Variants in NKAIN2 observed in about 807,000 individuals in gnomAD.
NKAIN2 encodes sodium/potassium transporting ATPase interacting 2.
A neutral mutation model predicts 32.6 loss-of-function variants in NKAIN2; 14 were observed. The ratio of observed to expected loss-of-function variants is 0.43; its 90% CI spans 0.28 to 0.67. NKAIN2 has a LOEUF of 0.67. Among genes scored for constraint, NKAIN2 ranks in the 30% least tolerant of loss-of-function variants. The probability of loss-of-function intolerance (pLI) is 0.17; values close to 1 mark genes in which losing one functional copy is unlikely to be tolerated. For synonymous variants in NKAIN2, 80 were observed against 87.2 expected, an observed-to-expected ratio of 0.92 and a Z score of 0.46; for missense variants, 198 against 258.3, an observed-to-expected ratio of 0.77 and a Z score of 1.60.
intron 1 of NKAIN2, among the ~76,000 whole-genome samples, chr6:123,893,828 G>T (rs1388165817): frequency 6.6e-6 from 1 of 152,168 alleles, no homozygotes; most frequent in South Asian, 2.1e-4. Flanking sequence ...ATTATTCCAG[G>T]GGGAGGAGGC....
intron 4 of NKAIN2, among the ~76,000 whole-genome samples, chr6:124,734,061 G>GCGCA (rs147687676): frequency 2.1e-5 from 3 of 145,338 alleles, no homozygotes; most frequent in Middle Eastern, 3.4e-3. Flanking sequence ...ATGAGGAAAT[G>GCGCA]CACACACACA....
chr6:124,327,371 G>T (rs1045066312), intron 2 of NKAIN2, among the ~76,000 whole-genome samples: 3 of 144,828 alleles, frequency 2.1e-5, no homozygotes, highest in African/African-American at 8.5e-5. Flanking sequence ...ATCTTTCATT[G>T]TTGAACTCTT....
At chr6:123,957,312 T>G (rs192779341) in intron 1 of NKAIN2, among the ~76,000 whole-genome samples, 7 of 152,318 alleles carry the variant, frequency 4.6e-5, no homozygotes, top group Admixed American at 4.6e-4. Flanking sequence ...CCACCTCTTC[T>G]TTATCTTTTC....
intron 3 of NKAIN2, among the ~76,000 whole-genome samples, chr6:124,482,223 A>C (rs1399704988): frequency 6.6e-6 from 1 of 152,116 alleles, no homozygotes. Flanking sequence ...AGACTGAGCT[A>C]CTCTAACATT....
chr6:123,983,786 C>A (rs1017287896), intron 1 of NKAIN2, among the ~76,000 whole-genome samples: 1 of 151,698 alleles, frequency 6.6e-6, no homozygotes, highest in African/African-American at 2.4e-5. Flanking sequence ...TTAGAATATT[C>A]TCTTATAAAT....
chr6:124,762,809 C>T (rs1778332285), intron 4 of NKAIN2, among the ~76,000 whole-genome samples: 2 of 152,056 alleles, frequency 1.3e-5, no homozygotes, highest in Non-Finnish European at 2.9e-5. Context: ...TATCGGAGAG[C>T]GTTGGTTTGC....
chr6:123,938,936 T>C (rs1194333461), intron 1 of NKAIN2, among the ~76,000 whole-genome samples: 1 of 151,924 alleles, frequency 6.6e-6, no homozygotes, highest in African/African-American at 2.4e-5. Flanking sequence ...AGTCCAGCCC[T>C]ATCTCTCAGG....
chr6:124,024,199 T>C (rs1030882913), intron 1 of NKAIN2, among the ~76,000 whole-genome samples: 4 of 152,128 alleles, frequency 2.6e-5, no homozygotes, highest in Non-Finnish European at 4.4e-5. Flanking sequence ...ATAACATTTG[T>C]TTCAGACAGA....
At chr6:124,614,322 A>AGAT (rs1782802031) in intron 3 of NKAIN2, among the ~76,000 whole-genome samples, 1 of 152,146 alleles carries the variant, frequency 6.6e-6, no homozygotes, top group Non-Finnish European at 1.5e-5. Context: ...TGAACCTGGG[A>AGAT]GATGGAGGTT....
At chr6:124,804,112 C>T (rs1052499465) in intron 5 of NKAIN2, among the ~76,000 whole-genome samples, 2 of 152,016 alleles carry the variant, frequency 1.3e-5, no homozygotes, top group African/African-American at 4.8e-5. Flanking sequence ...GACTCCAAAG[C>T]CCCCCATCTT....
At chr6:123,833,144 A>C (rs1285392928) in intron 1 of NKAIN2, among the ~76,000 whole-genome samples, 2 of 152,186 alleles carry the variant, frequency 1.3e-5, no homozygotes, top group East Asian at 3.8e-4. Context: ...GTTTGTGTCT[A>C]GAGTCACTTT....
At chr6:124,172,194 TTC>T (rs1268118153) in intron 1 of NKAIN2, among the ~76,000 whole-genome samples, 1 of 152,218 alleles carries the variant, frequency 6.6e-6, no homozygotes, top group Non-Finnish European at 1.5e-5. Context: ...TTTTTAATTC[TTC>T]TTTGAATAAT....
chr6:124,564,083 C>A (rs1187030506), intron 3 of NKAIN2, among the ~76,000 whole-genome samples: 1 of 152,142 alleles, frequency 6.6e-6, no homozygotes, highest in African/African-American at 2.4e-5. Context: ...AAAAAAGTAA[C>A]CACATTCCAC....
At chr6:124,510,774 A>T (rs1397927753) in intron 3 of NKAIN2, among the ~76,000 whole-genome samples, 1 of 152,112 alleles carries the variant, frequency 6.6e-6, no homozygotes, top group East Asian at 1.9e-4. Flanking sequence ...TTATCTGGCT[A>T]CTCAGAAAAT....
At chr6:124,177,499 A>G (rs1166832780) in intron 1 of NKAIN2, among the ~76,000 whole-genome samples, 1 of 152,198 alleles carries the variant, frequency 6.6e-6, no homozygotes, top group African/African-American at 2.4e-5. Flanking sequence ...GCATCAGTCT[A>G]TTACCAGTCC....
At chr6:124,587,454 G>A (rs966867361) in intron 3 of NKAIN2, among the ~76,000 whole-genome samples, 1 of 152,048 alleles carries the variant, frequency 6.6e-6, no homozygotes, top group Non-Finnish European at 1.5e-5. Flanking sequence ...TCCTGACCTC[G>A]TGATCCGCCT....
At chr6:124,742,602 T>C (rs1369270142) in intron 4 of NKAIN2, among the ~76,000 whole-genome samples, 1 of 151,898 alleles carries the variant, frequency 6.6e-6, no homozygotes, top group African/African-American at 2.4e-5. Flanking sequence ...AATAAATATA[T>C]ATTGGTTCTC....
intron 1 of NKAIN2, among the ~76,000 whole-genome samples, chr6:123,855,459 T>G (rs1366894700): frequency 5.4e-5 from 8 of 149,112 alleles, no homozygotes; most frequent in African/African-American, 1.9e-4. Flanking sequence ...TAAGAAGACT[T>G]TGATTATTGC....
chr6:123,849,770 G>T (rs1039209087), intron 1 of NKAIN2, among the ~76,000 whole-genome samples: 2 of 151,962 alleles, frequency 1.3e-5, no homozygotes, highest in African/African-American at 4.8e-5. Flanking sequence ...TTACTTCTTG[G>T]ATTGGAAGCT....
Sources: gnomAD v4.1 joint callset for allele counts (sites outside exome capture counted in the v4.1 genomes callset) on GRCh38, gnomAD v4.1.1 for gene constraint, MANE v1.5 for transcripts, NCBI Gene and HGNC (gene_info 2026-07-23, HGNC 2026-07-21) for gene names.